Variants in AMPH observed in about 807,000 individuals in gnomAD.
AMPH encodes amphiphysin (Stiff-Mann syndrome with breast cancer 128kD autoantigen).
Under a neutral mutation model 99.1 loss-of-function variants are expected in AMPH, and 49 were observed. That is an observed-to-expected ratio of 0.49 (90% CI 0.39 to 0.63). The LOEUF is 0.63. Ranked by LOEUF, AMPH falls within the 20% of genes least tolerant of loss-of-function variation. The pLI is 0.00. For synonymous variants in AMPH, 314 were observed against 317.3 expected (o/e 0.99, Z 0.11); for missense variants, 759 against 863.4 (o/e 0.88, Z 1.52).
chr7:38,493,464 T>C (rs1413412656), intron 4 of AMPH, among the ~76,000 whole-genome samples: 1 of 152,168 alleles, frequency 6.6e-6, no homozygotes, highest in African/African-American at 2.4e-5. Flanking sequence ...CATTTTTTTT[T>C]TATTTTGTAG....
At chr7:38,492,850 T>C (rs1375858991) in intron 4 of AMPH, among the ~76,000 whole-genome samples, 4 of 152,222 alleles carry the variant, frequency 2.6e-5, no homozygotes, top group African/African-American at 9.7e-5. Context: ...TCCTTAAAAA[T>C]TATTTTTTTG....
intron 9 of AMPH, chr7:38,464,030 C>A: frequency 7.8e-7 from 1 of 1,285,260 alleles, no homozygotes; most frequent in South Asian, 1.2e-5. Flanking sequence ...CAATCATGGC[C>A]TCAGATGGAA....
At chr7:38,456,696 C>T (rs560265067) in intron 11 of AMPH, among the ~76,000 whole-genome samples, 1 of 152,324 alleles carries the variant, frequency 6.6e-6, no homozygotes, top group South Asian at 2.1e-4. Context: ...ACCCACATCA[C>T]AGCAGCTGCC....
chr7:38,480,217 A>C (rs1788236619), intron 5 of AMPH, among the ~76,000 whole-genome samples: 1 of 152,106 alleles, frequency 6.6e-6, no homozygotes, highest in African/African-American at 2.4e-5. Context: ...ATTTGTCCGA[A>C]ATTGCTCAGC....
rs545950925 is a variant in AMPH at position 38,521,563 on chromosome 7, T to C, written c.150+13368A>G. The stretch of plus-strand genomic sequence containing the variant: ...AAGTATATGTGGAGCCAGATACATT[T>C]TTTAACAAATGAAAAAAGGTAGAGA... On this transcript the variant is annotated intron_variant, in intron 2 of 20. Coordinates refer to ENST00000356264, the MANE Select transcript of AMPH (RefSeq NM_001635.4). Among the ~76,000 whole-genome samples the C allele has an allele frequency of 2.6e-5, 4 of 152,272 alleles. No homozygotes were observed. In the East Asian group the frequency reaches 5.8e-4, roughly 22 times the overall value.
intron 16 of AMPH, among the ~76,000 whole-genome samples, chr7:38,422,123 C>A (rs1294046882): frequency 6.6e-6 from 1 of 152,192 alleles, no homozygotes; most frequent in Non-Finnish European, 1.5e-5. Context: ...AATACTGGAA[C>A]TTAAGTTATA....
intron 11 of AMPH, among the ~76,000 whole-genome samples, chr7:38,455,648 T>C (rs1354051328): frequency 6.6e-6 from 1 of 152,148 alleles, no homozygotes; most frequent in African/African-American, 2.4e-5. Flanking sequence ...CCCACCACCA[T>C]CTTTTTACAA....
intron 12 of AMPH, 75 bp downstream of exon 12, chr7:38,436,197 A>G: frequency 1.9e-6 from 2 of 1,057,320 alleles, no homozygotes; most frequent in South Asian, 1.3e-5. Context: ...TGAAAGGTAT[A>G]GGGATCATTG....
chr7:38,568,669 G>A (rs62444236), intron 1 of AMPH, among the ~76,000 whole-genome samples: 18,616 of 152,180 alleles, frequency 0.12, 1,567 homozygotes, highest in Admixed American at 0.24. Flanking sequence ...TTTGATTATT[G>A]ATGTCTGTCA....
chr7:38,526,433 C>CTTTT (rs33974810), intron 2 of AMPH, among the ~76,000 whole-genome samples: 9,231 of 72,506 alleles, frequency 0.13, 2,209 homozygotes, highest in African/African-American at 0.33. Context: ...CCATGCCCGG[C>CTTTT]TTTTTTTTTT....
chr7:38,484,530 T>C (rs753061170), intron 5 of AMPH, among the ~76,000 whole-genome samples: 25 of 152,032 alleles, frequency 1.6e-4, no homozygotes, highest in Non-Finnish European at 3.4e-4. Flanking sequence ...GATAAAGACA[T>C]TGCTAGACAA....
intron 1 of AMPH, among the ~76,000 whole-genome samples, chr7:38,546,698 A>C (rs573072811): frequency 4.6e-5 from 7 of 152,354 alleles, no homozygotes; most frequent in African/African-American, 1.7e-4. Flanking sequence ...TGACTGCATG[A>C]TAGATGGGTG....
intron 2 of AMPH, chr7:38,530,906 C>T (rs1212633763): frequency 6.6e-6 from 1 of 152,160 alleles, no homozygotes; most frequent in African/African-American, 2.4e-5. Flanking sequence ...CCTTGCTCTC[C>T]TTAGCATGCA....
intron 16 of AMPH, 81 bp downstream of exon 16, chr7:38,422,340 T>C (rs1785608749): frequency 2.5e-6 from 3 of 1,180,838 alleles, no homozygotes; most frequent in African/African-American, 1.6e-5. Context: ...ATTCAAACTC[T>C]AGACAGCCTA....
intron 17 of AMPH, among the ~76,000 whole-genome samples, chr7:38,413,170 G>A (rs1785263084): frequency 1.3e-5 from 2 of 152,274 alleles, no homozygotes; most frequent in Admixed American, 1.3e-4. Flanking sequence ...CACGACAGAT[G>A]TTGAAACTGA....
chr7:38,452,561 A>G (rs1196926259), intron 11 of AMPH, among the ~76,000 whole-genome samples: 1 of 152,246 alleles, frequency 6.6e-6, no homozygotes, highest in African/African-American at 2.4e-5. Flanking sequence ...TATGTGTCCA[A>G]CTACCCTAAA....
At chr7:38,467,393 T>C (rs1014511610) in intron 7 of AMPH, among the ~76,000 whole-genome samples, 1 of 152,168 alleles carries the variant, frequency 6.6e-6, no homozygotes, top group African/African-American at 2.4e-5. Flanking sequence ...CCACTCGCAG[T>C]GTTTGCAGAG....
intron 14 of AMPH, chr7:38,429,434 G>T (rs1386356031): frequency 1.9e-5 from 25 of 1,295,506 alleles, no homozygotes; most frequent in Non-Finnish European, 2.2e-5. Context: ...TAACTTCTTG[G>T]CTGACCCTGT....
chr7:38,502,987 G>A lies in AMPH; in HGVS notation c.205+663C>T, dbSNP rs117649043. On this transcript the variant is annotated intron_variant, in intron 3 of 20. Transcript: ENST00000356264. ...ATCTGCCTTATGATACATCATATCC[G>A]TGGGCACACTTGGCTGTGACTCAGG... 3.9e-3 allele frequency among the ~76,000 whole-genome samples: 597 copies of A among 152,196 alleles called. 1 individual carries two copies. The highest frequency in any genetic ancestry group is 6.2e-3 in the Non-Finnish European group (422 of 68,010).
Sources: gnomAD v4.1 joint callset for allele counts (sites outside exome capture counted in the v4.1 genomes callset) on GRCh38, gnomAD v4.1.1 for gene constraint, MANE v1.5 for transcripts, NCBI Gene and HGNC (gene_info 2026-07-23, HGNC 2026-07-21) for gene names.